LRMDA: variants seen among roughly 807,000 people sequenced by gnomAD.
LRMDA encodes leucine-rich melanocyte differentiation-associated protein.
Under a neutral mutation model 29.8 loss-of-function variants are expected in LRMDA, and 18 were observed. That is an observed-to-expected ratio of 0.60 (90% confidence interval 0.42 to 0.90). The LOEUF (loss-of-function observed/expected upper bound fraction) is 0.90. Ranked by LOEUF, LRMDA falls within the 40% of genes least tolerant of loss-of-function variation. The pLI is 0.00. For synonymous variants in LRMDA, 125 were observed against 109.4 expected, an observed-to-expected ratio of 1.14 and a Z score of -0.89; for missense variants, 273 against 273.9, an observed-to-expected ratio of 1.00 and a Z score of 0.02.
At chr10:76,212,780 G>A (rs1254108550) in intron 5 of LRMDA, among the ~76,000 whole-genome samples, 12 of 152,194 alleles carry the variant, frequency 7.9e-5, no homozygotes, top group Non-Finnish European at 1.6e-4. Context: ...GTGCCAAGGA[G>A]TTTGCTCATA....
At chr10:75,646,968 ATATGT>A (rs1022107113) in intron 2 of LRMDA, among the ~76,000 whole-genome samples, 2 of 152,190 alleles carry the variant, frequency 1.3e-5, no homozygotes, top group Non-Finnish European at 2.9e-5. Flanking sequence ...CAAGAGGGAA[ATATGT>A]TATGGCAGAA....
intron 5 of LRMDA, among the ~76,000 whole-genome samples, chr10:76,322,501 A>C (rs1386104799): frequency 6.6e-6 from 1 of 152,266 alleles, no homozygotes. Flanking sequence ...ACTGCAAAAC[A>C]ACAGAAGCCA....
intron 5 of LRMDA, among the ~76,000 whole-genome samples, chr10:76,097,131 C>T (rs574550701): frequency 3.9e-5 from 6 of 152,222 alleles, no homozygotes; most frequent in African/African-American, 1.2e-4. Context: ...CTGCTTCAGC[C>T]TCCTGAGTAG....
chr10:76,528,131 G>T (rs1843197628), intron 6 of LRMDA, among the ~76,000 whole-genome samples: 1 of 152,110 alleles, frequency 6.6e-6, no homozygotes, highest in African/African-American at 2.4e-5. Context: ...TTGGCCCTGT[G>T]CATTGAGGCT....
chr10:76,022,210 G>T (rs1288646350), intron 2 of LRMDA, among the ~76,000 whole-genome samples: 1 of 152,150 alleles, frequency 6.6e-6, no homozygotes, highest in Non-Finnish European at 1.5e-5. Flanking sequence ...GCTTTTGGAG[G>T]ACAGGATTGT....
At chr10:76,118,325 G>A (rs1215162438) in intron 5 of LRMDA, among the ~76,000 whole-genome samples, 1 of 152,146 alleles carries the variant, frequency 6.6e-6, no homozygotes, top group Non-Finnish European at 1.5e-5. Flanking sequence ...GGAGCCCTTG[G>A]GAGTGGGTTG....
intron 5 of LRMDA, among the ~76,000 whole-genome samples, chr10:76,278,559 A>C (rs2132330900): frequency 6.6e-6 from 1 of 152,296 alleles, no homozygotes; most frequent in Middle Eastern, 3.4e-3. Context: ...ACCCTCAACA[A>C]GATAACCTGA....
chr10:75,871,674 C>A (rs1262276681), intron 2 of LRMDA, among the ~76,000 whole-genome samples: 1 of 152,178 alleles, frequency 6.6e-6, no homozygotes, highest in African/African-American at 2.4e-5. Context: ...AGACACAGAC[C>A]AGTCTTCTAA....
intron 2 of LRMDA, among the ~76,000 whole-genome samples, chr10:75,943,938 C>T (rs962585018): frequency 6.6e-6 from 1 of 152,160 alleles, no homozygotes; most frequent in Non-Finnish European, 1.5e-5. Context: ...GCTTAAATCG[C>T]TATATATCTT....
Position 75,624,824 on chromosome 10 carries a change from G to A in LRMDA, c.131+186330G>A, listed in dbSNP as rs118114475. On this transcript the variant is annotated intron_variant, in intron 2 of 6. Coordinates refer to ENST00000611255, the MANE Select transcript of LRMDA (RefSeq NM_001305581.2). ...CAGGTAATTAATTGCTTTCAGTTCAGTGGAGTAATAATGCAATAAATTATG... is the reference window on the plus strand; with the variant it reads ...CAGGTAATTAATTGCTTTCAGTTCAATGGAGTAATAATGCAATAAATTATG... 3.5e-3 allele frequency among the ~76,000 whole-genome samples: 528 copies of A among 152,286 alleles called. 15 individuals carry two copies. The East Asian group carries it at 0.061, about 18-fold the overall frequency.
chr10:76,014,162 TTA>T (rs980124853), intron 2 of LRMDA, among the ~76,000 whole-genome samples: 9 of 128,764 alleles, frequency 7.0e-5, no homozygotes, highest in South Asian at 2.5e-4. Flanking sequence ...ATATATATAA[TTA>T]TATATATATG....
At chr10:75,910,869 A>G (rs1347812805) in intron 2 of LRMDA, among the ~76,000 whole-genome samples, 2 of 152,126 alleles carry the variant, frequency 1.3e-5, no homozygotes, top group African/African-American at 2.4e-5. Context: ...TATGCTTTCC[A>G]TGGGTTCTCT....
At chr10:75,922,438 C>T (rs981750878) in intron 2 of LRMDA, among the ~76,000 whole-genome samples, 2 of 152,196 alleles carry the variant, frequency 1.3e-5, no homozygotes, top group African/African-American at 4.8e-5. Flanking sequence ...TGGATCTGTC[C>T]TTGTTGGGAG....
At chr10:76,528,897 C>T (rs542682238) in intron 6 of LRMDA, among the ~76,000 whole-genome samples, 1 of 152,070 alleles carries the variant, frequency 6.6e-6, no homozygotes, top group Non-Finnish European at 1.5e-5. Flanking sequence ...TTCCAAGTAG[C>T]AGGAAGGAAG....
chr10:76,428,698 TCAC>T (rs1842156638), intron 6 of LRMDA, among the ~76,000 whole-genome samples: 1 of 152,104 alleles, frequency 6.6e-6, no homozygotes, highest in South Asian at 2.1e-4. Flanking sequence ...AGAGAATGAC[TCAC>T]TAGCTGTGCA....
At chr10:75,648,308 C>T (rs773267503) in intron 2 of LRMDA, among the ~76,000 whole-genome samples, 9 of 151,988 alleles carry the variant, frequency 5.9e-5, no homozygotes, top group Non-Finnish European at 1.3e-4. Context: ...TGCTTCTCAC[C>T]CTGCCACACT....
At chr10:75,752,247 C>T (rs1466105243) in intron 2 of LRMDA, among the ~76,000 whole-genome samples, 1 of 129,634 alleles carries the variant, frequency 7.7e-6, no homozygotes, top group Non-Finnish European at 1.6e-5. Context: ...GAGTCTCACT[C>T]TGTCACCCAG....
intron 2 of LRMDA, among the ~76,000 whole-genome samples, chr10:75,533,508 A>G (rs762961156): frequency 9.9e-5 from 15 of 152,182 alleles, no homozygotes; most frequent in Non-Finnish European, 1.8e-4. Context: ...TGAGTAAGAG[A>G]CACTTCTGGG....
At chr10:76,083,429 C>T (rs1380281924) in intron 5 of LRMDA, among the ~76,000 whole-genome samples, 1 of 152,176 alleles carries the variant, frequency 6.6e-6, no homozygotes, top group Admixed American at 6.5e-5. Flanking sequence ...ACATGGCATG[C>T]CCCCTCCTCT....
Sources: allele counts gnomAD v4.1 joint callset (sites outside exome capture counted in the v4.1 genomes callset), GRCh38; gene constraint gnomAD v4.1.1; transcripts MANE v1.5; gene names NCBI Gene and HGNC (gene_info 2026-07-23, HGNC 2026-07-21).